PIN1: variants seen among roughly 807,000 people sequenced by gnomAD.
The protein encoded by PIN1 is peptidylprolyl cis/trans isomerase, NIMA-interacting 1.
PIN1 carries 8 observed loss-of-function variants against 19.9 expected under a neutral mutation model. The observed-to-expected ratio is 0.40, with a 90% CI of 0.24 to 0.72. The LOEUF (loss-of-function observed/expected upper bound fraction) is 0.72. PIN1 is among the 30% of genes least tolerant of loss of function. The pLI, the probability that PIN1 is intolerant of heterozygous loss-of-function variation, is 0.37. For missense variants in PIN1, 185 were observed against 226.5 expected (o/e 0.82, Z 1.18); for synonymous variants, 86 against 90.8 (o/e 0.95, Z 0.30).
chr19:9,839,581 A>G (rs1468350402), intron 2 of PIN1, among the ~76,000 whole-genome samples: 2 of 152,240 alleles, frequency 1.3e-5, no homozygotes, highest in Non-Finnish European at 2.9e-5. Context: ...TTTGTGGGCC[A>G]TGCAGTCTCT....
intron 1 of PIN1, chr19:9,835,727 C>A: frequency 2.7e-6 from 1 of 368,920 alleles, no homozygotes; most frequent in Non-Finnish European, 4.8e-6. Context: ...CTGCACCTTG[C>A]TGGGCCCGGG....
At chr19:9,844,577 C>T (rs1209183299) in intron 2 of PIN1, among the ~76,000 whole-genome samples, 2 of 152,204 alleles carry the variant, frequency 1.3e-5, no homozygotes, top group Non-Finnish European at 2.9e-5. Flanking sequence ...CTGCTCCAGA[C>T]TGGGAGCTCC....
At chr19:9,836,769 G>T (rs765323093) in intron 1 of PIN1, 10 of 1,181,128 alleles carry the variant, frequency 8.5e-6, no homozygotes, top group Non-Finnish European at 1.1e-5. Flanking sequence ...AGAGCTTTCG[G>T]GTGTGAAGTA....
At position 9,838,379 on chromosome 19, in the gene PIN1, C is replaced by T; in HGVS notation, c.59-57C>T. The T allele has an allele frequency of 7.0e-7, 1 of 1,426,190 alleles. No individual in the cohort carries two copies. Among genetic ancestry groups the T allele is most frequent in the Non-Finnish European group, 9.7e-7 (1 of 1,031,226 alleles). The allele number at this position is 1,426,190 out of a possible 1,614,324, so 88.3% of individuals were successfully genotyped here. A position where few individuals can be genotyped will look rare whatever the true frequency, so the allele number is the denominator to read the frequency against. ...CTCACCCTGGCTTCTGGCTGTGGGC[C>T]CAGGGGTGTCCTGGGAGCACAACCC... On this transcript the variant is annotated intron_variant, in intron 1 of 3. Coordinates refer to ENST00000247970, the MANE Select transcript of PIN1 (RefSeq NM_006221.4). This position sits in a 1 kb window ranked among gnomAD's most constrained non-coding sequence, Gnocchi z 5.8.
chr19:9,836,841 G>A (rs559252376), intron 1 of PIN1: 32 of 1,287,050 alleles, frequency 2.5e-5, no homozygotes, highest in East Asian at 1.1e-4. Context: ...CTCAGGAAGC[G>A]TTACCCACTG....
At chr19:9,837,117 C>G in intron 1 of PIN1, 1 of 270,586 alleles carries the variant, frequency 3.7e-6, no homozygotes, top group Non-Finnish European at 7.5e-6. Flanking sequence ...GCGTGTACCA[C>G]CCACCCATGG....
Position 9,846,682 on chromosome 19 carries a change from G to A in PIN1, c.272-1348G>A, listed in dbSNP as rs1430356273. 6.6e-6 allele frequency among the ~76,000 whole-genome samples: 1 copy of A among 152,186 alleles called. No individual in the cohort carries two copies. Among genetic ancestry groups the A allele is most frequent in the East Asian group, 1.9e-4 (1 of 5,186 alleles). ...TGGGTGTCCAGGCCTCCCAGCACTG[G>A]CTAGGTCACCCAGCAGTGTTCCCGT... On this transcript the variant is annotated intron_variant, in intron 2 of 3. Coordinates refer to ENST00000247970, the MANE Select transcript of PIN1 (RefSeq NM_006221.4). The surrounding 1 kb of genome is among the most constrained non-coding windows in gnomAD (Gnocchi z 5.9).
rs1460099685 is a variant in PIN1, at chr19:9,838,911, C to T, written c.271+263C>T. ...ACATGGGTTCAGGTAGTAGCTGTGC[C>T]TCTGTGAACTCTGTGACCTTTGGGA... On this transcript the variant is annotated intron_variant, in intron 2 of 3. Transcript: ENST00000247970. The surrounding 1 kb of genome is among the most constrained non-coding windows in gnomAD (Gnocchi z 5.8). Among the ~76,000 whole-genome samples the T allele has an allele frequency of 6.6e-6, 1 of 152,120 alleles. No homozygotes were observed. Among genetic ancestry groups the T allele is most frequent in the Non-Finnish European group, 1.5e-5 (1 of 68,030 alleles).
chr19:9,838,262 C>A lies in PIN1; in HGVS notation c.59-174C>A. 1.5e-6 allele frequency: 1 copy of A among 685,940 alleles called. No individual in the cohort carries two copies. Among genetic ancestry groups the A allele is most frequent in the South Asian group, 1.6e-5 (1 of 62,794 alleles). 42.5% of individuals were successfully genotyped at this position (685,940 alleles called of 1,614,324 possible). A position where few individuals can be genotyped will look rare whatever the true frequency, so the allele number is the denominator to read the frequency against. ...AGCTCTCTAAGGGCAGGGACTGTAT[C>A]CTGCCACATTGGCCCACGTCTGGAG... On this transcript the variant is annotated intron_variant, in intron 1 of 3. Coordinates refer to ENST00000247970, the MANE Select transcript of PIN1 (RefSeq NM_006221.4). This position sits in a 1 kb window ranked among gnomAD's most constrained non-coding sequence, Gnocchi z 5.8.
intron 2 of PIN1, among the ~76,000 whole-genome samples, chr19:9,847,249 C>T (rs973834952): frequency 6.6e-6 from 1 of 152,176 alleles, no homozygotes; most frequent in Non-Finnish European, 1.5e-5. Context: ...CTGCTGCCGT[C>T]TTGCCCCCTC....
At chr19:9,841,823 G>A (rs564621214) in intron 2 of PIN1, among the ~76,000 whole-genome samples, 17 of 152,214 alleles carry the variant, frequency 1.1e-4, no homozygotes, top group Non-Finnish European at 2.5e-4. Context: ...GACCCTATAA[G>A]AGTGAGCAGG....
Position 9,838,672 on chromosome 19 carries a change from T to C in PIN1, c.271+24T>C, listed in dbSNP as rs546472947. 2.6e-6 allele frequency: 4 copies of C among 1,511,862 alleles called. No homozygotes were observed. The South Asian group carries it at 4.8e-5, about 18-fold the overall frequency. The allele number at this position is 1,511,862 out of a possible 1,614,324, so 93.7% of individuals were successfully genotyped here. On this transcript the variant is annotated intron_variant, in intron 2 of 3. Transcript: ENST00000247970. The surrounding 1 kb of genome is among the most constrained non-coding windows in gnomAD (Gnocchi z 5.8). ...CGGTGAGCAGGGCGAGGGCAGGGGC[T>C]TGGGAGGGGGTCTTCTCCCAGGTGA...
rs967440283 is a variant in PIN1, at chr19:9,847,911, G to A, written c.272-119G>A. 41 of 729,280 alleles carry A rather than the reference G, an allele frequency of 5.6e-5. No homozygotes were observed. In the South Asian group the frequency reaches 5.9e-4, roughly 10 times the overall value. 45.2% of individuals were successfully genotyped at this position (729,280 alleles called of 1,614,324 possible). A position where few individuals can be genotyped will look rare whatever the true frequency, so the allele number is the denominator to read the frequency against. ...TGGGGAGCATGTGCGCCTGTGAGGGGAGGCTTTCCAACTGAAGTGCTGCCT... is the reference window on the plus strand; with the variant it reads ...TGGGGAGCATGTGCGCCTGTGAGGGAAGGCTTTCCAACTGAAGTGCTGCCT... On this transcript the variant is annotated intron_variant, in intron 2 of 3. Transcript: ENST00000247970.
chr19:9,846,968 G>T lies in PIN1; in HGVS notation c.272-1062G>T, dbSNP rs985658065. Among the ~76,000 whole-genome samples, 2 of 152,162 alleles carry T rather than the reference G, an allele frequency of 1.3e-5. No homozygotes were observed. Among genetic ancestry groups the T allele is most frequent in the African/African-American group, 4.8e-5 (2 of 41,436 alleles). On this transcript the variant is annotated intron_variant, in intron 2 of 3. Coordinates refer to ENST00000247970, the MANE Select transcript of PIN1 (RefSeq NM_006221.4). The surrounding 1 kb of genome is among the most constrained non-coding windows in gnomAD (Gnocchi z 5.9). The stretch of plus-strand genomic sequence containing the variant: ...CAGAGGGCTGCCCTGGCTTGCTGGG[G>T]CTGTCGCACCACTGGCCTAGGGAGG...
chr19:9,843,737 C>G lies in PIN1; in HGVS notation c.272-4293C>G, dbSNP rs147877775. Among the ~76,000 whole-genome samples the G allele has an allele frequency of 2.8e-3, 429 of 152,252 alleles. 1 individual carries two copies. Among genetic ancestry groups the G allele is most frequent in the African/African-American group, 9.8e-3 (406 of 41,546 alleles). ...CACGGAGTGAAGGAGCACGAGCTCT[C>G]TGGTGTCTCTTATAAGGACACTAAT... On this transcript the variant is annotated intron_variant, in intron 2 of 3. Transcript: ENST00000247970.
intron 1 of PIN1, 64 bp downstream of exon 1, chr19:9,835,466 C>T (rs112130401): frequency 0.021 from 24,563 of 1,170,218 alleles, 1,255 homozygotes; most frequent in African/African-American, 0.17. Context: ...CTCGAGCTCG[C>T]CCCTTGGGCG....
chr19:9,840,256 G>A (rs2046151954), intron 2 of PIN1, among the ~76,000 whole-genome samples: 1 of 152,094 alleles, frequency 6.6e-6, no homozygotes, highest in African/African-American at 2.4e-5. Flanking sequence ...TGGCATGGTG[G>A]CGGGCACCTG....
At position 9,849,485 on chromosome 19, in the gene PIN1, G is replaced by A. The variant is rs536714595; in HGVS notation, c.*286G>A. 4 of 695,312 alleles carry A rather than the reference G, an allele frequency of 5.8e-6. No homozygotes were observed. The highest frequency in any genetic ancestry group is 3.5e-5 in the African/African-American group (2 of 57,748). 43.1% of individuals were successfully genotyped at this position (695,312 alleles called of 1,614,324 possible). On this transcript the variant is annotated 3_prime_UTR_variant, in exon 4 of 4. Coordinates refer to ENST00000247970, the MANE Select transcript of PIN1 (RefSeq NM_006221.4). Reference sequence around the variant, plus strand: ...CCCAGGGCAGTGTGGTGGGAGGGGTGTTCCAAAGAGAAGGCCTGGTCAGCA... The same window carrying A: ...CCCAGGGCAGTGTGGTGGGAGGGGTATTCCAAAGAGAAGGCCTGGTCAGCA...
At chr19:9,847,893 C>T (rs1037076651) in intron 2 of PIN1, 137 bp from the exon 3 acceptor site, 2 of 693,440 alleles carry the variant, frequency 2.9e-6, no homozygotes, top group African/African-American at 1.7e-5. Context: ...TTGTGGGGAG[C>T]ATGTGCGCCT....
Sources: allele counts gnomAD v4.1 joint callset (sites outside exome capture counted in the v4.1 genomes callset), GRCh38; gene constraint gnomAD v4.1.1; non-coding constraint Gnocchi (gnomAD v3.1); transcripts MANE v1.5; gene names NCBI Gene and HGNC (gene_info 2026-07-23, HGNC 2026-07-21).